KCNAB1: variants seen among roughly 807,000 people sequenced by gnomAD.
KCNAB1 encodes voltage-gated potassium channel subunit beta-1.
KCNAB1 carries 35 observed loss-of-function variants against 64.6 expected under a neutral mutation model. The ratio of observed to expected loss-of-function variants is 0.54; its 90% confidence interval spans 0.41 to 0.72. The LOEUF (loss-of-function observed/expected upper bound fraction) is 0.72. Ranked by LOEUF, KCNAB1 falls within the 30% of genes least tolerant of loss-of-function variation. The pLI is 0.00. For synonymous variants in KCNAB1, 177 were observed against 183.8 expected, an observed-to-expected ratio of 0.96 and a Z score of 0.30; for missense variants, 401 against 512.9, an observed-to-expected ratio of 0.78 and a Z score of 2.11.
intron 8 of KCNAB1, among the ~76,000 whole-genome samples, chr3:156,503,894 T>C (rs532884508): frequency 6.6e-6 from 1 of 152,366 alleles, no homozygotes; most frequent in African/African-American, 2.4e-5. Context: ...ACATTTATCA[T>C]TTCTTTGTGT....
At chr3:156,454,880 C>A (rs1712281019) in intron 3 of KCNAB1, among the ~76,000 whole-genome samples, 1 of 152,212 alleles carries the variant, frequency 6.6e-6, no homozygotes, top group Admixed American at 6.5e-5. Flanking sequence ...CTGCTCTCTG[C>A]TGCAATGAGC....
intron 1 of KCNAB1, among the ~76,000 whole-genome samples, chr3:156,413,294 T>C (rs1342853418): frequency 6.6e-6 from 1 of 152,234 alleles, no homozygotes; most frequent in African/African-American, 2.4e-5. Flanking sequence ...GTTTACGATG[T>C]TCCTCCACTC....
chr3:156,268,769 GT>G (rs1465730358), intron 1 of KCNAB1, among the ~76,000 whole-genome samples: 2 of 152,056 alleles, frequency 1.3e-5, no homozygotes, highest in Middle Eastern at 3.2e-3. Flanking sequence ...TTATTAATCT[GT>G]TGTCAGATAG....
chr3:156,266,301 A>C (rs1718703921), intron 1 of KCNAB1, among the ~76,000 whole-genome samples: 1 of 152,222 alleles, frequency 6.6e-6, no homozygotes, highest in Non-Finnish European at 1.5e-5. Flanking sequence ...AAGGGCAAAG[A>C]ATAAAAGCAA....
chr3:156,123,470 T>A (rs1332698510), intron 1 of KCNAB1, among the ~76,000 whole-genome samples: 2 of 152,266 alleles, frequency 1.3e-5, no homozygotes, highest in Non-Finnish European at 2.9e-5. Flanking sequence ...ATTAAATGAT[T>A]GGAAGAAAGC....
intron 5 of KCNAB1, among the ~76,000 whole-genome samples, chr3:156,460,711 T>C (rs1559895831): frequency 1.3e-5 from 2 of 152,334 alleles, no homozygotes; most frequent in Middle Eastern, 3.4e-3. Flanking sequence ...AGCTGTGTAC[T>C]CATGCTTCAA....
chr3:156,499,454 A>G (rs1716232287), intron 8 of KCNAB1, among the ~76,000 whole-genome samples: 1 of 152,220 alleles, frequency 6.6e-6, no homozygotes, highest in African/African-American at 2.4e-5. Flanking sequence ...TGAGAAATAA[A>G]GTTTATACTT....
rs114510335 is a variant in KCNAB1, at chr3:156,401,683, C to G, written c.276-19933C>G. On this transcript the variant is annotated intron_variant, in intron 1 of 13. Transcript: ENST00000490337. ...GCTACAGCCACCCAATGAAATCTGC[C>G]TTTTCTCTTTTTTCAGAACAGCAAC... 3.4e-3 allele frequency among the ~76,000 whole-genome samples: 521 copies of G among 152,276 alleles called. 3 individuals carry two copies. The highest frequency in any genetic ancestry group is 0.012 in the African/African-American group (497 of 41,558).
At chr3:156,481,551 A>T (rs1459227770) in intron 8 of KCNAB1, among the ~76,000 whole-genome samples, 1 of 152,130 alleles carries the variant, frequency 6.6e-6, no homozygotes, top group Non-Finnish European at 1.5e-5. Context: ...AGACCAAAAA[A>T]ATTGTGTCAT....
chr3:156,442,944 T>C (rs2108263441), intron 2 of KCNAB1, among the ~76,000 whole-genome samples: 1 of 152,232 alleles, frequency 6.6e-6, no homozygotes, highest in South Asian at 2.1e-4. Flanking sequence ...CTGAGAGAAT[T>C]TGAGAGCAGG....
intron 1 of KCNAB1, among the ~76,000 whole-genome samples, chr3:156,154,189 C>A (rs971762921): frequency 6.6e-6 from 1 of 152,092 alleles, no homozygotes; most frequent in Non-Finnish European, 1.5e-5. Context: ...GGAGGTTTAG[C>A]TGATTACAGT....
intron 2 of KCNAB1, among the ~76,000 whole-genome samples, chr3:156,427,859 C>A (rs1052642022): frequency 6.6e-6 from 1 of 152,208 alleles, no homozygotes; most frequent in Admixed American, 6.5e-5. Flanking sequence ...AAAGGAGCAT[C>A]TGCCCACACT....
intron 1 of KCNAB1, among the ~76,000 whole-genome samples, chr3:156,300,825 G>A (rs77305998): frequency 0.011 from 1,716 of 152,288 alleles, 32 homozygotes; most frequent in African/African-American, 0.036. Context: ...CAAATTTGAT[G>A]TATAGGTTTC....
chr3:156,181,057 G>A (rs1712778573), intron 1 of KCNAB1, among the ~76,000 whole-genome samples: 1 of 152,144 alleles, frequency 6.6e-6, no homozygotes, highest in African/African-American at 2.4e-5. Context: ...CCTTTACTCT[G>A]TGTCTGTATT....
intron 1 of KCNAB1, among the ~76,000 whole-genome samples, chr3:156,192,490 G>A (rs1328724873): frequency 1.3e-5 from 2 of 152,044 alleles, no homozygotes; most frequent in African/African-American, 4.8e-5. Flanking sequence ...TTTTTATAAA[G>A]GTCAAACGAT....
chr3:156,528,135 C>CA (rs1718452207), intron 12 of KCNAB1, among the ~76,000 whole-genome samples: 1 of 135,866 alleles, frequency 7.4e-6, no homozygotes, highest in African/African-American at 2.8e-5. Flanking sequence ...CCTTTAAGGC[C>CA]AAAAATAGTT....
chr3:156,230,545 G>A (rs992156292), intron 1 of KCNAB1, among the ~76,000 whole-genome samples: 2 of 152,212 alleles, frequency 1.3e-5, no homozygotes, highest in African/African-American at 4.8e-5. Flanking sequence ...AGATTGTTGT[G>A]TGTAATATAC....
intron 1 of KCNAB1, among the ~76,000 whole-genome samples, chr3:156,350,243 G>A: frequency 6.6e-6 from 1 of 152,102 alleles, no homozygotes; most frequent in East Asian, 1.9e-4. Context: ...AAAAAGCTGA[G>A]TTGATCAGAT....
chr3:156,344,985 T>C (rs1354742873), intron 1 of KCNAB1, among the ~76,000 whole-genome samples: 1 of 152,164 alleles, frequency 6.6e-6, no homozygotes, highest in Non-Finnish European at 1.5e-5. Context: ...CAAATAACAA[T>C]GAGCTGCTTA....
Sources: allele counts gnomAD v4.1 joint callset (sites outside exome capture counted in the v4.1 genomes callset), GRCh38; gene constraint gnomAD v4.1.1; transcripts MANE v1.5; gene names NCBI Gene and HGNC (gene_info 2026-07-23, HGNC 2026-07-21).